Variants in SLC15A2 observed in about 807,000 individuals in gnomAD.
SLC15A2 encodes the protein kidney H(+)/peptide cotransporter.
A neutral mutation model predicts 95.5 loss-of-function variants in SLC15A2; 77 were observed. The ratio of observed to expected loss-of-function variants is 0.81; its 90% confidence interval spans 0.67 to 0.97. SLC15A2 has a LOEUF of 0.97. Among genes scored for constraint, SLC15A2 ranks in the 50% least tolerant of loss-of-function variants. SLC15A2 has a pLI of 0.00. For missense variants in SLC15A2, 893 were observed against 874.4 expected (o/e 1.02, Z -0.27); for synonymous variants, 306 against 306.9 (o/e 1.00, Z 0.03).
intron 9 of SLC15A2, 61 bp from the exon 10 acceptor site, chr3:121,922,979 A>C (rs1193902720): frequency 6.3e-7 from 1 of 1,577,212 alleles, no homozygotes; most frequent in East Asian, 2.2e-5. Context: ...CTTCTACTTT[A>C]AGCAAGAAAG....
intron 3 of SLC15A2, among the ~76,000 whole-genome samples, chr3:121,903,759 T>TCAA (rs1709570045): frequency 6.6e-6 from 1 of 152,232 alleles, no homozygotes; most frequent in Non-Finnish European, 1.5e-5. Flanking sequence ...TGTCGCCTTG[T>TCAA]AGTATAGTTT....
At chr3:121,929,397 G>A (rs1710186727) in intron 17 of SLC15A2, 49 bp downstream of exon 17, 1 of 1,573,662 alleles carries the variant, frequency 6.4e-7, no homozygotes. Context: ...TTGAATCTTG[G>A]ATCTCTTCTA....
chr3:121,931,587 A>G, intron 18 of SLC15A2, 52 bp from the exon 19 acceptor site: 1 of 1,171,398 alleles, frequency 8.5e-7, no homozygotes, highest in East Asian at 2.3e-5. Context: ...GGAGATGGGA[A>G]TGCTTTTCCA....
chr3:121,935,413 A>G (rs1710321150), intron 19 of SLC15A2, among the ~76,000 whole-genome samples: 1 of 152,148 alleles, frequency 6.6e-6, no homozygotes, highest in Admixed American at 6.5e-5. Context: ...TTTGGTTGGT[A>G]AGCTATTGAT....
At chr3:121,909,994 T>C (rs1004402873) in intron 3 of SLC15A2, among the ~76,000 whole-genome samples, 2 of 152,070 alleles carry the variant, frequency 1.3e-5, no homozygotes, top group Non-Finnish European at 2.9e-5. Flanking sequence ...CCTTTTTTTT[T>C]CCTCTATGAT....
chr3:121,894,483 C>G lies in SLC15A2; in HGVS notation c.7C>G (p.Pro3Ala), dbSNP rs1470277128. Residue 3 changes from proline to alanine, a missense_variant, in exon 1 of 22, where the codon CCT becomes GCT. Physicochemically the swap from Pro to Ala is conservative, Grantham distance 27 (BLOSUM62 -1). Coordinates refer to ENST00000489711, the MANE Select transcript of SLC15A2 (RefSeq NM_021082.4). MN[P>A]FQKNESKETL... Reference sequence around the variant, plus strand: ...AGAGAGTAAGGAGCCAGCCATGAATCCTTTCCAGAAAAATGAGTCCAAGGA... The same window carrying G: ...AGAGAGTAAGGAGCCAGCCATGAATGCTTTCCAGAAAAATGAGTCCAAGGA... 4 of 1,612,546 alleles carry G rather than the reference C, an allele frequency of 2.5e-6. No individual in the cohort carries two copies. In the South Asian group the frequency reaches 4.4e-5, roughly 18 times the overall value.
Position 121,924,384 on chromosome 3 carries a change from G to A in SLC15A2, c.1035+1G>A. The A allele has an allele frequency of 6.2e-7, 1 of 1,613,086 alleles. No homozygotes were observed. The highest frequency in any genetic ancestry group is 8.5e-7 in the Non-Finnish European group (1 of 1,179,228). On this transcript the variant is annotated splice_donor_variant, in intron 12 of 21. Transcript: ENST00000489711. LOFTEE classifies it high-confidence loss of function. ...TGTGCTTCAGCCGGACCAGATGCAG[G>A]TATGTGACTCTTCTATAGCCATGGG...
chr3:121,909,721 C>T (rs1450420219), intron 3 of SLC15A2, among the ~76,000 whole-genome samples: 1 of 152,152 alleles, frequency 6.6e-6, no homozygotes, highest in African/African-American at 2.4e-5. Context: ...CCAAGCTTGT[C>T]CAACCTGCAG....
chr3:121,905,476 G>A (rs528656295), intron 3 of SLC15A2, among the ~76,000 whole-genome samples: 104 of 152,188 alleles, frequency 6.8e-4, no homozygotes, highest in Non-Finnish European at 1.2e-3. Flanking sequence ...GCTTTCTCTC[G>A]TGGGCATTTA....
chr3:121,900,333 A>G (rs1709497755), intron 3 of SLC15A2, among the ~76,000 whole-genome samples: 1 of 152,212 alleles, frequency 6.6e-6, no homozygotes, highest in South Asian at 2.1e-4. Context: ...ATTAGTTGCC[A>G]TCACCCAGTT....
chr3:121,896,745 T>G (rs1709420516), intron 2 of SLC15A2, among the ~76,000 whole-genome samples: 10 of 151,780 alleles, frequency 6.6e-5, no homozygotes, highest in Admixed American at 6.6e-4. Context: ...TGGGTGGAGC[T>G]GGGCATGATG....
At chr3:121,909,090 T>C (rs1214855809) in intron 3 of SLC15A2, among the ~76,000 whole-genome samples, 1 of 152,166 alleles carries the variant, frequency 6.6e-6, no homozygotes, top group Non-Finnish European at 1.5e-5. Flanking sequence ...AGATGGAGTC[T>C]TGCTCTGTCT....
intron 3 of SLC15A2, among the ~76,000 whole-genome samples, chr3:121,906,030 T>C (rs1194821012): frequency 6.6e-6 from 1 of 152,224 alleles, no homozygotes; most frequent in Non-Finnish European, 1.5e-5. Context: ...ATCTGGGTGC[T>C]CCTGTACTGG....
At chr3:121,938,596 T>C (rs1710398337) in intron 19 of SLC15A2, among the ~76,000 whole-genome samples, 1 of 152,236 alleles carries the variant, frequency 6.6e-6, no homozygotes, top group Non-Finnish European at 1.5e-5. Flanking sequence ...ACTTCCCGAG[T>C]GAGGCAATGC....
chr3:121,900,272 C>T (rs9815649), intron 3 of SLC15A2, among the ~76,000 whole-genome samples: 113,754 of 152,002 alleles, frequency 0.75, 42,742 homozygotes, highest in East Asian at 0.87. Context: ...ACCAATTCTG[C>T]TTGCCACAAT....
chr3:121,911,347 T>C (rs6803757), intron 3 of SLC15A2, among the ~76,000 whole-genome samples: 67,818 of 151,874 alleles, frequency 0.45, 15,658 homozygotes, highest in East Asian at 0.69. Flanking sequence ...GAAGGGAATG[T>C]CTATTACCTC....
rs747879915 is a variant in SLC15A2 at position 121,915,641 on chromosome 3, C to T, written c.645C>T (p.Asp215=). ...GAGATGTGCAATGTTTTGGAGAAGA[C>T]TGCTATGCATTGGCTTTTGGAGTTC... ...LRGDVQCFGE[D]CYALAFGVPG... Residue 215 remains aspartate, a synonymous_variant, in exon 7 of 22, where the codon GAC becomes GAT. Coordinates refer to ENST00000489711, the MANE Select transcript of SLC15A2 (RefSeq NM_021082.4). 5.0e-6 allele frequency: 8 copies of T among 1,613,826 alleles called. No homozygotes were observed. The highest frequency in any genetic ancestry group is 1.7e-5 in the Admixed American group (1 of 60,002).
intron 3 of SLC15A2, among the ~76,000 whole-genome samples, chr3:121,904,810 C>A (rs1009383642): frequency 2.0e-5 from 3 of 152,146 alleles, no homozygotes; most frequent in African/African-American, 7.2e-5. Context: ...GTCTAAAATT[C>A]TCTTTCTTTG....
chr3:121,921,169 ACAGAAGTGT>A (rs1709997994), intron 7 of SLC15A2, among the ~76,000 whole-genome samples: 1 of 152,240 alleles, frequency 6.6e-6, no homozygotes, highest in Non-Finnish European at 1.5e-5. Context: ...ATAGTATAGA[ACAGAAGTGT>A]TTGTATAAAT....
Sources: allele counts gnomAD v4.1 joint callset (sites outside exome capture counted in the v4.1 genomes callset), GRCh38; gene constraint gnomAD v4.1.1; transcripts MANE v1.5; gene names NCBI Gene and HGNC (gene_info 2026-07-23, HGNC 2026-07-21).